The following ADCY8 variants were observed in gnomAD, a reference collection of about 807,000 sequenced individuals.
ADCY8 encodes adenylate cyclase 8.
Under a neutral mutation model 119.7 loss-of-function variants are expected in ADCY8, and 51 were observed. That is an observed-to-expected ratio of 0.43 (90% CI 0.34 to 0.54). The LOEUF (loss-of-function observed/expected upper bound fraction) is 0.54. Ranked by LOEUF, ADCY8 falls within the 20% of genes least tolerant of loss-of-function variation. The pLI is 0.03. For synonymous variants in ADCY8, 665 were observed against 651.0 expected, an observed-to-expected ratio of 1.02 and a Z score of -0.33; for missense variants, 1,383 against 1,598.8, an observed-to-expected ratio of 0.87 and a Z score of 2.30.
At chr8:130,826,041 G>T (rs191837403) in intron 12 of ADCY8, among the ~76,000 whole-genome samples, 2 of 152,278 alleles carry the variant, frequency 1.3e-5, no homozygotes, top group South Asian at 4.1e-4. Flanking sequence ...GAATATTCTC[G>T]TATAAACATG....
intron 1 of ADCY8, among the ~76,000 whole-genome samples, chr8:131,005,535 A>T (rs183518326): frequency 6.6e-6 from 1 of 152,260 alleles, no homozygotes; most frequent in East Asian, 1.9e-4. Context: ...CCTCTAAAAA[A>T]CTGCCCTTCT....
At chr8:130,914,397 GA>G (rs1277813117) in intron 5 of ADCY8, among the ~76,000 whole-genome samples, 5 of 152,208 alleles carry the variant, frequency 3.3e-5, no homozygotes, top group African/African-American at 4.8e-5. Flanking sequence ...GCATCTTAAT[GA>G]AAAGACATTT....
intron 12 of ADCY8, among the ~76,000 whole-genome samples, chr8:130,823,352 T>C (rs1264314396): frequency 1.3e-5 from 2 of 152,186 alleles, no homozygotes; most frequent in South Asian, 2.1e-4. Flanking sequence ...GCATCAGAAC[T>C]GTGGTTTGAA....
At chr8:131,001,491 G>A (rs1446345671) in intron 1 of ADCY8, among the ~76,000 whole-genome samples, 2 of 151,474 alleles carry the variant, frequency 1.3e-5, no homozygotes, top group African/African-American at 2.4e-5. Flanking sequence ...ATAAACCCTT[G>A]CCTCATACAA....
rs970878809 is a variant in ADCY8 at position 130,783,779 on chromosome 8, C to A, written c.3180G>T (p.Leu1060Phe). Residue 1060 changes from leucine to phenylalanine, a missense_variant, in exon 17 of 18, where the codon TTG becomes TTT. Coordinates refer to ENST00000286355, the MANE Select transcript of ADCY8 (RefSeq NM_001115.3). Reference protein sequence around the residue: ...KQQCEDKWGHLCALADFSLAL... With the variant: ...KQQCEDKWGHFCALADFSLAL... ...CGAGTGAGAAGTCAGCCAGAGCACA[C>A]AAATGTCCCCACTTGTCTTCACATT... The A allele has an allele frequency of 3.1e-6, 5 of 1,613,614 alleles. No individual in the cohort carries two copies. The highest frequency in any genetic ancestry group is 4.2e-6 in the Non-Finnish European group (5 of 1,179,798).
intron 1 of ADCY8, among the ~76,000 whole-genome samples, chr8:131,008,257 T>A (rs1823186569): frequency 6.6e-6 from 1 of 152,180 alleles, no homozygotes; most frequent in African/African-American, 2.4e-5. Context: ...TTCAGAGACT[T>A]ATATGGTTTG....
At chr8:130,911,546 T>C (rs934764857) in intron 5 of ADCY8, among the ~76,000 whole-genome samples, 5 of 151,900 alleles carry the variant, frequency 3.3e-5, no homozygotes, top group African/African-American at 1.2e-4. Flanking sequence ...TTAAACCCAT[T>C]GCTCTCTAAT....
intron 8 of ADCY8, among the ~76,000 whole-genome samples, chr8:130,878,509 T>G (rs1016103126): frequency 8.5e-5 from 13 of 152,166 alleles, no homozygotes; most frequent in African/African-American, 3.1e-4. Flanking sequence ...AGCTGATCTC[T>G]GAAGATGTGG....
intron 2 of ADCY8, among the ~76,000 whole-genome samples, chr8:130,970,896 G>A (rs1267230626): frequency 6.6e-6 from 1 of 152,206 alleles, no homozygotes; most frequent in Non-Finnish European, 1.5e-5. Context: ...CATGGTGGCA[G>A]GGAGAGAGGT....
chr8:130,884,657 T>C lies in ADCY8; in HGVS notation c.2016A>G (p.Glu672=). 1 of 1,613,922 alleles carries C rather than the reference T, an allele frequency of 6.2e-7. No individual in the cohort carries two copies. The highest frequency in any genetic ancestry group is 8.5e-7 in the Non-Finnish European group (1 of 1,179,868). ...CGCCACTCCGCAAGTCGATGGTATG[T>C]TCTATTCTCTTGTTAATTTCCTCAG... ...SGPEEINKRI[E]HTIDLRSGDK... The change falls in exon 8 of 18, where the codon GAA becomes GAG. Residue 672 remains glutamate (E), a synonymous_variant. Transcript: ENST00000286355.
intron 1 of ADCY8, among the ~76,000 whole-genome samples, chr8:131,023,534 A>G (rs1383005846): frequency 6.6e-6 from 1 of 152,156 alleles, no homozygotes; most frequent in Non-Finnish European, 1.5e-5. Context: ...CACTTTCATA[A>G]GTTTTATATT....
intron 2 of ADCY8, among the ~76,000 whole-genome samples, chr8:130,968,373 G>C (rs542199998): frequency 6.6e-6 from 1 of 152,066 alleles, no homozygotes; most frequent in South Asian, 2.1e-4. Flanking sequence ...GGGTTCCACC[G>C]TGTTAGCCAG....
chr8:130,963,932 T>A (rs1356129640), intron 2 of ADCY8, among the ~76,000 whole-genome samples: 1 of 152,148 alleles, frequency 6.6e-6, no homozygotes, highest in East Asian at 1.9e-4. Flanking sequence ...AAATAAGACG[T>A]GCTTATCACT....
chr8:130,977,293 C>G lies in ADCY8; in HGVS notation c.1110+13100G>C, dbSNP rs149590147. Among the ~76,000 whole-genome samples the G allele has an allele frequency of 3.3e-3, 500 of 152,328 alleles. 4 individuals carry two copies. The highest frequency in any genetic ancestry group is 0.011 in the African/African-American group (473 of 41,570). Reference sequence around the variant, plus strand: ...ACAATGATCAATCCAACCTTTCTTACTTATACTCGAAAAACAGAAAATATC... The same window carrying G: ...ACAATGATCAATCCAACCTTTCTTAGTTATACTCGAAAAACAGAAAATATC... On this transcript the variant is annotated intron_variant, in intron 2 of 17. Coordinates refer to ENST00000286355, the MANE Select transcript of ADCY8 (RefSeq NM_001115.3).
intron 15 of ADCY8, among the ~76,000 whole-genome samples, chr8:130,791,676 A>G (rs1309135024): frequency 1.3e-5 from 2 of 152,206 alleles, no homozygotes; most frequent in African/African-American, 4.8e-5. Context: ...AGTAGTGCAC[A>G]CCTGCTTCTA....
At chr8:130,946,391 A>G (rs2130646399) in intron 3 of ADCY8, among the ~76,000 whole-genome samples, 1 of 152,304 alleles carries the variant, frequency 6.6e-6, no homozygotes, top group East Asian at 1.9e-4. Context: ...ATGCACCTGT[A>G]TCTTTGTACA....
At chr8:131,038,765 T>C (rs971047547) in intron 1 of ADCY8, among the ~76,000 whole-genome samples, 4 of 152,194 alleles carry the variant, frequency 2.6e-5, no homozygotes, top group Admixed American at 2.0e-4. Flanking sequence ...TGAGAGAAGA[T>C]ATCATGTTTG....
Position 130,924,742 on chromosome 8 carries a change from C to T in ADCY8, c.1481+12331G>A, listed in dbSNP as rs557104769. On this transcript the variant is annotated intron_variant, in intron 5 of 17. Coordinates refer to ENST00000286355, the MANE Select transcript of ADCY8 (RefSeq NM_001115.3). ...GTCTAGCTATATTGTTTGTTGTTTG[C>T]ATCCATTCTCATTGTTGCTCTAAAC... Among the ~76,000 whole-genome samples the T allele has an allele frequency of 8.3e-4, 127 of 152,268 alleles. 2 individuals carry two copies. The Middle Eastern group carries it at 0.014, about 16-fold the overall frequency.
intron 5 of ADCY8, among the ~76,000 whole-genome samples, chr8:130,917,976 C>T (rs2130572853): frequency 6.6e-6 from 1 of 152,282 alleles, no homozygotes; most frequent in Non-Finnish European, 1.5e-5. Flanking sequence ...CAGTGCTTCA[C>T]TGCCTGGATT....
Sources: allele counts gnomAD v4.1 joint callset (sites outside exome capture counted in the v4.1 genomes callset), GRCh38; gene constraint gnomAD v4.1.1; transcripts MANE v1.5; gene names NCBI Gene and HGNC (gene_info 2026-07-23, HGNC 2026-07-21).